The following FABP12 variants were observed in gnomAD, a reference collection of about 807,000 sequenced individuals.
FABP12 encodes the protein fatty acid-binding protein 12.
Under a neutral mutation model 13.7 loss-of-function variants are expected in FABP12, and 19 were observed. The ratio of observed to expected loss-of-function variants is 1.39; its 90% CI spans 0.97 to 2.04. The LOEUF is 2.04. FABP12 is among the 30% of genes most tolerant of loss of function. The probability of loss-of-function intolerance (pLI) is 0.00; values close to 1 mark genes in which losing one functional copy is unlikely to be tolerated. For synonymous variants in FABP12, 61 were observed against 57.0 expected, an observed-to-expected ratio of 1.07 and a Z score of -0.32; for missense variants, 182 against 164.2, an observed-to-expected ratio of 1.11 and a Z score of -0.59.
At chr8:81,539,549 G>C (rs55724033) in intron 2 of FABP12, among the ~76,000 whole-genome samples, 1 of 140,142 alleles carries the variant, frequency 7.1e-6, no homozygotes, top group Admixed American at 7.8e-5. Flanking sequence ...GAATACTGAA[G>C]AACTTAAGAT....
At chr8:81,548,523 G>C (rs950764611) in intron 1 of FABP12, among the ~76,000 whole-genome samples, 2 of 152,160 alleles carry the variant, frequency 1.3e-5, no homozygotes, top group African/African-American at 4.8e-5. Context: ...GGGGCCACTT[G>C]AATGTAGGAT....
At chr8:81,577,717 C>T (rs775214860) in intron 1 of FABP12, among the ~76,000 whole-genome samples, 2 of 152,096 alleles carry the variant, frequency 1.3e-5, no homozygotes, top group South Asian at 2.1e-4. Context: ...GCCGAGATTC[C>T]GCCATGCACT....
intron 1 of FABP12, among the ~76,000 whole-genome samples, chr8:81,579,294 G>T (rs963581392): frequency 3.3e-5 from 5 of 151,848 alleles, no homozygotes; most frequent in Non-Finnish European, 7.4e-5. Flanking sequence ...ACTGTTTTCA[G>T]ATTTCTCCGA....
At chr8:81,546,264 G>C (rs1033142782) in intron 1 of FABP12, among the ~76,000 whole-genome samples, 2 of 152,186 alleles carry the variant, frequency 1.3e-5, no homozygotes, top group Admixed American at 1.3e-4. Flanking sequence ...TTTATGACAA[G>C]TGATTTTTAT....
At chr8:81,560,372 T>A (rs1809703091) in intron 1 of FABP12, among the ~76,000 whole-genome samples, 1 of 152,228 alleles carries the variant, frequency 6.6e-6, no homozygotes, top group South Asian at 2.1e-4. Context: ...ATTTACAAAT[T>A]GAAGGAAAAA....
intron 1 of FABP12, among the ~76,000 whole-genome samples, chr8:81,578,453 T>A (rs1810090691): frequency 6.6e-6 from 1 of 151,942 alleles, no homozygotes; most frequent in Non-Finnish European, 1.5e-5. Context: ...AATGAGAATT[T>A]GCCTGAGACA....
chr8:81,567,784 G>A (rs547264951), intron 1 of FABP12, among the ~76,000 whole-genome samples: 2 of 152,300 alleles, frequency 1.3e-5, no homozygotes, highest in Admixed American at 6.5e-5. Context: ...ACGAGGACAG[G>A]CAATAAAAGC....
intron 1 of FABP12, among the ~76,000 whole-genome samples, chr8:81,560,524 G>A (rs1450177411): frequency 1.3e-5 from 2 of 151,994 alleles, no homozygotes; most frequent in African/African-American, 4.8e-5. Context: ...TACTGGACAG[G>A]CCATCCCCCC....
chr8:81,574,001 T>G (rs1809982425), intron 1 of FABP12, among the ~76,000 whole-genome samples: 1 of 152,034 alleles, frequency 6.6e-6, no homozygotes, highest in Non-Finnish European at 1.5e-5. Context: ...TGAAGAGGAG[T>G]GGTGAAAGTG....
At chr8:81,531,068 G>T (rs73275496) in intron 2 of FABP12, among the ~76,000 whole-genome samples, 175 bp downstream of exon 2, 2,417 of 152,174 alleles carry the variant, frequency 0.016, 61 homozygotes, top group African/African-American at 0.055. Context: ...AGAGATTATT[G>T]TCAACTCCAA....
intron 1 of FABP12, among the ~76,000 whole-genome samples, chr8:81,587,052 C>T (rs1472655353): frequency 6.6e-6 from 1 of 152,106 alleles, no homozygotes; most frequent in African/African-American, 2.4e-5. Flanking sequence ...AACAGGGAGC[C>T]CTTTCCCCAC....
chr8:81,546,919 C>A (rs1343149921), intron 1 of FABP12, among the ~76,000 whole-genome samples: 6 of 152,164 alleles, frequency 3.9e-5, no homozygotes, highest in Non-Finnish European at 7.3e-5. Context: ...TGAAGCTAGA[C>A]CCTTGGCATA....
intron 1 of FABP12, among the ~76,000 whole-genome samples, chr8:81,549,731 T>C (rs1809495908): frequency 6.6e-6 from 1 of 152,196 alleles, no homozygotes; most frequent in Admixed American, 6.5e-5. Context: ...TGCTGTCATT[T>C]TGTGAGATGT....
chr8:81,562,420 A>T (rs1291741646), intron 1 of FABP12, among the ~76,000 whole-genome samples: 1 of 152,120 alleles, frequency 6.6e-6, no homozygotes, highest in Non-Finnish European at 1.5e-5. Flanking sequence ...TTCGTCTTGT[A>T]GCTTACCTAC....
At chr8:81,539,892 C>A (rs1809304209) in intron 1 of FABP12, among the ~76,000 whole-genome samples, 1 of 152,224 alleles carries the variant, frequency 6.6e-6, no homozygotes, top group Non-Finnish European at 1.5e-5. Context: ...CACTTGCCCC[C>A]AGGCTCTCGG....
At position 81,529,324 on chromosome 8, in the gene FABP12, C is replaced by T. The variant is rs146638353; in HGVS notation, c.246+114G>A. On this transcript the variant is annotated intron_variant, in intron 3 of 4. Transcript: ENST00000360464. ...GACATCCTTAGACCTATGTTTTAGA[C>T]AAAAGTTCCTCTTAAGGACTTTAGA... 3.2e-5 allele frequency: 34 copies of T among 1,059,952 alleles called. No homozygotes were observed. The East Asian group carries it at 7.3e-4, about 23-fold the overall frequency. 65.7% of individuals were successfully genotyped at this position (1,059,952 alleles called of 1,614,324 possible).
At chr8:81,569,219 C>T (rs1472793775) in intron 1 of FABP12, among the ~76,000 whole-genome samples, 3 of 152,106 alleles carry the variant, frequency 2.0e-5, no homozygotes, top group Non-Finnish European at 4.4e-5. Flanking sequence ...TCATGTACCT[C>T]ATAAATATAT....
At chr8:81,556,150 G>A (rs1488809767) in intron 1 of FABP12, among the ~76,000 whole-genome samples, 1 of 152,048 alleles carries the variant, frequency 6.6e-6, no homozygotes, top group Non-Finnish European at 1.5e-5. Flanking sequence ...CACTATAGTT[G>A]GCAAGTTTCA....
At chr8:81,570,334 T>C (rs1809906127) in intron 1 of FABP12, among the ~76,000 whole-genome samples, 1 of 152,216 alleles carries the variant, frequency 6.6e-6, no homozygotes, top group Non-Finnish European at 1.5e-5. Context: ...TTATAGCAGC[T>C]CTTTAAGCCT....
Sources: gnomAD v4.1 joint callset for allele counts (sites outside exome capture counted in the v4.1 genomes callset) on GRCh38, gnomAD v4.1.1 for gene constraint, MANE v1.5 for transcripts, NCBI Gene and HGNC (gene_info 2026-07-23, HGNC 2026-07-21) for gene names.